Variants in SLC4A4 observed in about 807,000 individuals in gnomAD.
The protein encoded by SLC4A4 is electrogenic sodium bicarbonate cotransporter 1.
Under a neutral mutation model 111.5 loss-of-function variants are expected in SLC4A4, and 27 were observed. The observed-to-expected ratio is 0.24, with a 90% CI of 0.18 to 0.33. The LOEUF is 0.33. Among genes scored for constraint, SLC4A4 ranks in the 10% least tolerant of loss-of-function variants. SLC4A4 has a pLI of 1.00. For synonymous variants in SLC4A4, 443 were observed against 463.4 expected (o/e 0.96, Z 0.57); for missense variants, 909 against 1,315.5 (o/e 0.69, Z 4.78).
At chr4:71,351,148 G>T (rs564059418) in intron 5 of SLC4A4, among the ~76,000 whole-genome samples, 1 of 152,348 alleles carries the variant, frequency 6.6e-6, no homozygotes, top group East Asian at 1.9e-4. Flanking sequence ...AAGCTGCCCT[G>T]CACCATGAGG....
chr4:71,491,329 C>T (rs917994542), intron 15 of SLC4A4, among the ~76,000 whole-genome samples: 1 of 151,854 alleles, frequency 6.6e-6, no homozygotes, highest in Non-Finnish European at 1.5e-5. Flanking sequence ...CATATTTTAT[C>T]AGTCAGTACT....
upstream of SLC4A4, among the ~76,000 whole-genome samples, chr4:71,185,768 A>C (rs1477801835): frequency 7.3e-5 from 11 of 149,792 alleles, no homozygotes; most frequent in Non-Finnish European, 7.4e-5. Flanking sequence ...TTTCCTCCCT[A>C]CCCTCATTTT....
At chr4:71,236,937 A>G (rs1035010000) in intron 2 of SLC4A4, among the ~76,000 whole-genome samples, 2 of 152,348 alleles carry the variant, frequency 1.3e-5, no homozygotes, top group East Asian at 3.9e-4. Flanking sequence ...ACATTTTACC[A>G]GATAATACTA....
chr4:71,105,153 A>G (rs1204852122), intron 2 of SLC4A4, among the ~76,000 whole-genome samples: 5 of 144,644 alleles, frequency 3.5e-5, no homozygotes, highest in Non-Finnish European at 5.9e-5. Flanking sequence ...CCAAATCATG[A>G]GTGAACTCCC....
chr4:71,437,175 A>G, intron 7 of SLC4A4: 1 of 435,034 alleles, frequency 2.3e-6, no homozygotes. Context: ...TATTGACTCC[A>G]CTCCACACAG....
At chr4:71,469,348 C>T (rs552046791) in intron 13 of SLC4A4, among the ~76,000 whole-genome samples, 49 of 151,910 alleles carry the variant, frequency 3.2e-4, no homozygotes, top group African/African-American at 1.1e-3. Context: ...ATTTTTAATT[C>T]GTCCATGATA....
Position 71,509,143 on chromosome 4 carries a change from A to G in SLC4A4, c.2166+11451A>G, listed in dbSNP as rs538874788. ...CATGTATGACAAACCCACAGCCAAT[A>G]TTATACTGAATGGGCAAAGGCTGTA... On this transcript the variant is annotated intron_variant, in intron 16 of 25. Coordinates refer to ENST00000264485, the MANE Select transcript of SLC4A4 (RefSeq NM_001098484.3). Among the ~76,000 whole-genome samples, 12 of 152,354 alleles carry G rather than the reference A, an allele frequency of 7.9e-5. 1 individual carries two copies. The highest frequency in any genetic ancestry group is 2.6e-4 in the African/African-American group (11 of 41,578).
At chr4:71,468,054 A>T (rs899005132) in intron 13 of SLC4A4, among the ~76,000 whole-genome samples, 1 of 152,086 alleles carries the variant, frequency 6.6e-6, no homozygotes, top group Non-Finnish European at 1.5e-5. Flanking sequence ...CAGCTTTTTG[A>T]AAACAGGGTT....
At chr4:71,142,875 T>C (rs910228924) in intron 2 of SLC4A4, among the ~76,000 whole-genome samples, 7 of 150,792 alleles carry the variant, frequency 4.6e-5, no homozygotes, top group Non-Finnish European at 7.4e-5. Flanking sequence ...GCCCCAAAAA[T>C]TCCTCCCACC....
chr4:71,380,300 A>G (rs893671184), intron 6 of SLC4A4, among the ~76,000 whole-genome samples: 7 of 152,186 alleles, frequency 4.6e-5, no homozygotes, highest in African/African-American at 1.4e-4. Context: ...CCCACAAAAC[A>G]TTTCTCTGAA....
intron 3 of SLC4A4, among the ~76,000 whole-genome samples, chr4:71,292,833 G>T (rs74683928): frequency 0.087 from 11,568 of 133,296 alleles, 795 homozygotes; most frequent in East Asian, 0.25. Flanking sequence ...CTTACTTTTG[G>T]TTTTTTTTGT....
intron 6 of SLC4A4, among the ~76,000 whole-genome samples, chr4:71,358,843 A>G (rs1366288680): frequency 6.6e-6 from 1 of 152,208 alleles, no homozygotes; most frequent in Admixed American, 6.5e-5. Context: ...AATTATGGCA[A>G]TTAAAGTTGA....
chr4:71,418,809 T>C (rs980249663), intron 7 of SLC4A4, among the ~76,000 whole-genome samples: 2 of 152,222 alleles, frequency 1.3e-5, no homozygotes, highest in African/African-American at 4.8e-5. Flanking sequence ...TATGTAGTCT[T>C]AGAATAAAAG....
chr4:71,436,228 A>G (rs1724134343), intron 7 of SLC4A4, among the ~76,000 whole-genome samples: 2 of 152,206 alleles, frequency 1.3e-5, no homozygotes, highest in African/African-American at 4.8e-5. Flanking sequence ...CTATGCAGCC[A>G]TAAAAAAGGA....
chr4:71,401,314 G>A (rs1411608049), intron 7 of SLC4A4, among the ~76,000 whole-genome samples: 2 of 152,120 alleles, frequency 1.3e-5, no homozygotes, highest in Non-Finnish European at 2.9e-5. Flanking sequence ...TTGAAAAATG[G>A]CTTAAAATAG....
At chr4:71,365,102 A>T (rs1032412475) in intron 6 of SLC4A4, among the ~76,000 whole-genome samples, 2 of 152,194 alleles carry the variant, frequency 1.3e-5, no homozygotes, top group Non-Finnish European at 2.9e-5. Flanking sequence ...GTACAGCAAG[A>T]TGTTACCATG....
chr4:71,510,648 T>A (rs553884932), intron 16 of SLC4A4, among the ~76,000 whole-genome samples: 1 of 152,320 alleles, frequency 6.6e-6, no homozygotes, highest in Non-Finnish European at 1.5e-5. Flanking sequence ...TATAGTTGGA[T>A]CTTAAAAAAA....
intron 15 of SLC4A4, among the ~76,000 whole-genome samples, chr4:71,495,078 T>C (rs954403761): frequency 3.3e-5 from 5 of 152,064 alleles, no homozygotes; most frequent in Admixed American, 6.6e-5. Flanking sequence ...AAAGGTGGTA[T>C]TTGGAGACTC....
At chr4:71,429,456 G>A (rs761477849) in intron 7 of SLC4A4, among the ~76,000 whole-genome samples, 5 of 151,980 alleles carry the variant, frequency 3.3e-5, no homozygotes, top group Non-Finnish European at 7.4e-5. Context: ...TATAGCAGAA[G>A]GCAAAATATA....
Sources: gnomAD v4.1 joint callset for allele counts (sites outside exome capture counted in the v4.1 genomes callset) on GRCh38, gnomAD v4.1.1 for gene constraint, MANE v1.5 for transcripts, NCBI Gene and HGNC (gene_info 2026-07-23, HGNC 2026-07-21) for gene names.